JARID2: variants seen among roughly 807,000 people sequenced by gnomAD.
JARID2 encodes jumonji and AT-rich interaction domain containing 2.
A neutral mutation model predicts 125.6 loss-of-function variants in JARID2; 21 were observed. The ratio of observed to expected loss-of-function variants is 0.17; its 90% CI spans 0.12 to 0.24. JARID2 has a LOEUF of 0.24. JARID2 is among the 10% of genes least tolerant of loss of function. JARID2 has a pLI of 1.00. For synonymous variants in JARID2, 736 were observed against 661.6 expected (o/e 1.11, Z -1.73); for missense variants, 1,303 against 1,639.6 (o/e 0.79, Z 3.55).
chr6:15,247,887 G>C, intron 1 of JARID2: 1 of 985,418 alleles, frequency 1.0e-6, no homozygotes, highest in African/African-American at 1.7e-5. Flanking sequence ...CAAAGGACTA[G>C]TTTAAACTCG....
chr6:15,374,817 CA>C (rs1467290325), intron 2 of JARID2, among the ~76,000 whole-genome samples: 1 of 152,198 alleles, frequency 6.6e-6, no homozygotes, highest in Admixed American at 6.5e-5. Flanking sequence ...CTGTTTTGAA[CA>C]GGGTTCATAT....
At chr6:15,324,137 C>CCA (rs917302868) in intron 1 of JARID2, among the ~76,000 whole-genome samples, 2 of 151,306 alleles carry the variant, frequency 1.3e-5, no homozygotes, top group African/African-American at 4.9e-5. Flanking sequence ...CAAGATTGGG[C>CCA]CACTGCACTC....
chr6:15,379,474 G>C (rs1176409223), intron 2 of JARID2, among the ~76,000 whole-genome samples: 1 of 152,186 alleles, frequency 6.6e-6, no homozygotes, highest in East Asian at 1.9e-4. Context: ...ATAATAACAT[G>C]CTACACAAAT....
intron 1 of JARID2, among the ~76,000 whole-genome samples, chr6:15,313,476 A>C (rs1581400850): frequency 6.6e-6 from 1 of 152,074 alleles, no homozygotes; most frequent in African/African-American, 2.4e-5. Context: ...TTCACTGGTG[A>C]CTTCCCATTT....
At chr6:15,438,519 C>T (rs1166412552) in intron 3 of JARID2, among the ~76,000 whole-genome samples, 2 of 152,192 alleles carry the variant, frequency 1.3e-5, no homozygotes, top group Admixed American at 6.5e-5. Flanking sequence ...GTCATTGTTT[C>T]TGACCAATGT....
chr6:15,441,031 C>T (rs1007001418), intron 3 of JARID2, among the ~76,000 whole-genome samples: 3 of 152,048 alleles, frequency 2.0e-5, no homozygotes, highest in Admixed American at 2.0e-4. Flanking sequence ...TCTGTCAGAG[C>T]CCCAAAATGT....
intron 2 of JARID2, among the ~76,000 whole-genome samples, chr6:15,389,670 C>G (rs1337594153): frequency 1.3e-5 from 2 of 152,194 alleles, no homozygotes; most frequent in African/African-American, 4.8e-5. Context: ...TTCTGAATCC[C>G]TCTGAGGAAA....
At chr6:15,498,181 T>A (rs1426967043) in intron 7 of JARID2, among the ~76,000 whole-genome samples, 1 of 152,214 alleles carries the variant, frequency 6.6e-6, no homozygotes, top group Non-Finnish European at 1.5e-5. Context: ...CTTCTTCCTC[T>A]GAGCTTCAGT....
chr6:15,307,904 G>A (rs1323752300), intron 1 of JARID2, among the ~76,000 whole-genome samples: 1 of 152,198 alleles, frequency 6.6e-6, no homozygotes, highest in East Asian at 1.9e-4. Flanking sequence ...CCCAGCCAGC[G>A]TAGCTTAAAA....
At chr6:15,454,425 G>A (rs939481942) in intron 4 of JARID2, among the ~76,000 whole-genome samples, 7 of 152,146 alleles carry the variant, frequency 4.6e-5, no homozygotes, top group Non-Finnish European at 7.3e-5. Flanking sequence ...AGGGAGATAC[G>A]AGGTAGGTGG....
rs1581314869 is a variant in JARID2 at position 15,246,278 on chromosome 6, A to G, written c.-262A>G. ...TGTGTGTGTGTATGTGTTTCGGGGG[A>G]AATTTTCCATTATGAGTGTTTTACT... On this transcript the variant is annotated 5_prime_UTR_variant, in exon 1 of 18. Coordinates refer to ENST00000341776, the MANE Select transcript of JARID2 (RefSeq NM_004973.4). 1.9e-6 allele frequency: 1 copy of G among 524,600 alleles called. No individual in the cohort carries two copies. The highest frequency in any genetic ancestry group is 2.0e-5 in the African/African-American group (1 of 49,544). 32.5% of individuals were successfully genotyped at this position (524,600 alleles called of 1,614,324 possible).
At chr6:15,357,160 G>A (rs1763632664) in intron 1 of JARID2, among the ~76,000 whole-genome samples, 1 of 152,236 alleles carries the variant, frequency 6.6e-6, no homozygotes, top group Non-Finnish European at 1.5e-5. Context: ...GCTGCAGCCA[G>A]ATGTCCTTCA....
intron 1 of JARID2, among the ~76,000 whole-genome samples, chr6:15,251,517 G>A (rs1163910867): frequency 6.6e-6 from 1 of 152,210 alleles, no homozygotes; most frequent in Non-Finnish European, 1.5e-5. Context: ...GCTGCAGTAT[G>A]TCCTGACTGA....
chr6:15,445,279 G>A (rs1237939024), intron 3 of JARID2, among the ~76,000 whole-genome samples: 1 of 152,182 alleles, frequency 6.6e-6, no homozygotes, highest in Non-Finnish European at 1.5e-5. Context: ...GCATAGGACT[G>A]TTAGTTCATC....
At chr6:15,421,188 T>A (rs1766472959) in intron 3 of JARID2, among the ~76,000 whole-genome samples, 1 of 152,168 alleles carries the variant, frequency 6.6e-6, no homozygotes, top group Non-Finnish European at 1.5e-5. Context: ...TCATTTGTTT[T>A]CCATCCGTCA....
intron 1 of JARID2, among the ~76,000 whole-genome samples, chr6:15,291,308 C>T (rs956376295): frequency 2.6e-5 from 4 of 152,092 alleles, no homozygotes; most frequent in African/African-American, 9.7e-5. Flanking sequence ...TTTATCATCT[C>T]CTCTTAGTTT....
chr6:15,470,758 T>A (rs1360429064), intron 5 of JARID2, among the ~76,000 whole-genome samples: 1 of 152,168 alleles, frequency 6.6e-6, no homozygotes, highest in Non-Finnish European at 1.5e-5. Flanking sequence ...ATATGTGAAT[T>A]GGAATGCAGG....
At chr6:15,393,037 C>G (rs546834487) in intron 2 of JARID2, among the ~76,000 whole-genome samples, 2 of 152,036 alleles carry the variant, frequency 1.3e-5, no homozygotes, top group African/African-American at 4.8e-5. Context: ...AAAAGCCATG[C>G]GTGGATAGAG....
intron 1 of JARID2, among the ~76,000 whole-genome samples, chr6:15,291,138 C>T (rs886925314): frequency 2.6e-5 from 4 of 152,006 alleles, no homozygotes; most frequent in Non-Finnish European, 4.4e-5. Context: ...CAGGACGTTG[C>T]GGTGGGAGAT....
Sources: allele counts gnomAD v4.1 joint callset (sites outside exome capture counted in the v4.1 genomes callset), GRCh38; gene constraint gnomAD v4.1.1; transcripts MANE v1.5; gene names NCBI Gene and HGNC (gene_info 2026-07-23, HGNC 2026-07-21).